Variants in KCNH1 observed in about 807,000 individuals in gnomAD.
The protein encoded by KCNH1 is potassium voltage-gated channel subfamily H member 1.
Under a neutral mutation model 69.2 loss-of-function variants are expected in KCNH1, and 27 were observed. The ratio of observed to expected loss-of-function variants is 0.39; its 90% confidence interval spans 0.29 to 0.54. The LOEUF (loss-of-function observed/expected upper bound fraction) is 0.54. Among genes scored for constraint, KCNH1 ranks in the 20% least tolerant of loss-of-function variants. The pLI is 0.68. For missense variants in KCNH1, 798 were observed against 1,261.6 expected (o/e 0.63, Z 5.57); for synonymous variants, 456 against 487.7 (o/e 0.93, Z 0.86).
intron 10 of KCNH1, among the ~76,000 whole-genome samples, chr1:210,713,877 A>G (rs1258357917): frequency 6.6e-6 from 1 of 152,228 alleles, no homozygotes; most frequent in Non-Finnish European, 1.5e-5. Context: ...AGACTGAGGC[A>G]TCTCTGAGTG....
intron 7 of KCNH1, among the ~76,000 whole-genome samples, chr1:210,885,321 C>T (rs1016110948): frequency 3.3e-5 from 5 of 152,200 alleles, no homozygotes; most frequent in Non-Finnish European, 4.4e-5. Flanking sequence ...GGAACTCCCT[C>T]CTGTAGCCAA....
rs536236518 is a variant in KCNH1 at position 210,979,198 on chromosome 1, G to A, written c.1032+39585C>T. 1.8e-4 allele frequency among the ~76,000 whole-genome samples: 28 copies of A among 152,280 alleles called. No homozygotes were observed. In the South Asian group the frequency reaches 5.2e-3, roughly 28 times the overall value. ...GCCTGCCTTGCCCTGGCCAAACCTCGATGCTAACAAAGCTGTAGTAGGAGG... is the reference window on the plus strand; with the variant it reads ...GCCTGCCTTGCCCTGGCCAAACCTCAATGCTAACAAAGCTGTAGTAGGAGG... On this transcript the variant is annotated intron_variant, in intron 6 of 10. Coordinates refer to ENST00000271751, the MANE Select transcript of KCNH1 (RefSeq NM_172362.3).
chr1:210,979,603 T>C (rs1322996785), intron 6 of KCNH1, among the ~76,000 whole-genome samples: 1 of 152,244 alleles, frequency 6.6e-6, no homozygotes, highest in Non-Finnish European at 1.5e-5. Flanking sequence ...ATTATAGATG[T>C]ATGTTTGATA....
At chr1:210,795,726 T>C (rs1203997713) in intron 9 of KCNH1, among the ~76,000 whole-genome samples, 1 of 152,062 alleles carries the variant, frequency 6.6e-6, no homozygotes, top group Non-Finnish European at 1.5e-5. Context: ...TAACTTAATC[T>C]CCTCCAGCCT....
chr1:210,774,224 A>G lies in KCNH1; in HGVS notation c.2112+1124T>C, dbSNP rs140662454. ...TTTTAAGGTTAGTCAAGCAGCCATA[A>G]GAAGGAAGCACTCCACTGAGGGCAG... On this transcript the variant is annotated intron_variant, in intron 10 of 10. Transcript: ENST00000271751. Among the ~76,000 whole-genome samples the G allele has an allele frequency of 8.3e-4, 126 of 152,316 alleles. 1 individual carries two copies. In the South Asian group the frequency reaches 9.4e-3, roughly 11 times the overall value.
intron 10 of KCNH1, among the ~76,000 whole-genome samples, chr1:210,708,673 G>C (rs896987744): frequency 6.6e-6 from 1 of 152,032 alleles, no homozygotes; most frequent in African/African-American, 2.4e-5. Flanking sequence ...CAAGTACTGA[G>C]CCTGCAGTCG....
At chr1:210,830,473 A>G (rs1169254746) in intron 7 of KCNH1, among the ~76,000 whole-genome samples, 1 of 152,204 alleles carries the variant, frequency 6.6e-6, no homozygotes, top group Non-Finnish European at 1.5e-5. Flanking sequence ...GGAAGACCTC[A>G]ATAAGACACT....
chr1:210,718,478 ATATATACATATATGTATATATATAAAAT>A lies in KCNH1; in HGVS notation c.2113-34368_2113-34341del, dbSNP rs2149024179. Reference sequence around the variant, plus strand: ...ATATACATATATGTATATATATAAAATATATACATATATGTATATATATAAAATATATACATATATGTATATATATAAA... The same window carrying A: ...ATATACATATATGTATATATATAAAAATATACATATATGTATATATATAAA... On this transcript the variant is annotated intron_variant, in intron 10 of 10. Transcript: ENST00000271751. Among the ~76,000 whole-genome samples, 2 of 58,494 alleles carry A rather than the reference ATATATACATATATGTATATATATAAAAT, an allele frequency of 3.4e-5. 1 individual carries two copies. Among genetic ancestry groups the A allele is most frequent in the South Asian group, 1.2e-3 (2 of 1,648 alleles). The allele number at this position is 58,494 out of a possible 152,430, so 38.4% of individuals were successfully genotyped here. A position where few individuals can be genotyped will look rare whatever the true frequency, so the allele number is the denominator to read the frequency against.
intron 6 of KCNH1, among the ~76,000 whole-genome samples, chr1:210,960,557 A>ATTTT (rs1688273510): frequency 2.0e-5 from 3 of 152,246 alleles, no homozygotes; most frequent in African/African-American, 7.2e-5. Flanking sequence ...CAGAAAAAGT[A>ATTTT]TTTTAGAATT....
intron 6 of KCNH1, among the ~76,000 whole-genome samples, chr1:210,987,162 G>A (rs916269673): frequency 1.3e-5 from 2 of 152,064 alleles, no homozygotes; most frequent in Admixed American, 1.3e-4. Context: ...TCTCTGCATT[G>A]GTTATTCTAG....
chr1:210,883,280 A>G (rs1686535139), intron 7 of KCNH1, among the ~76,000 whole-genome samples: 1 of 152,240 alleles, frequency 6.6e-6, no homozygotes, highest in African/African-American at 2.4e-5. Flanking sequence ...TGCTTCTGAT[A>G]GAGAAAAGCT....
chr1:210,836,384 A>G (rs1478210317), intron 7 of KCNH1, among the ~76,000 whole-genome samples: 1 of 152,202 alleles, frequency 6.6e-6, no homozygotes, highest in Admixed American at 6.5e-5. Context: ...ATTGAAAGTA[A>G]TCATTAAGCC....
chr1:210,735,955 T>G (rs988273847), intron 10 of KCNH1, among the ~76,000 whole-genome samples: 5 of 152,218 alleles, frequency 3.3e-5, no homozygotes, highest in African/African-American at 9.6e-5. Flanking sequence ...TTCATTATAG[T>G]GATTTTAATT....
chr1:210,990,465 A>G (rs955463112), intron 6 of KCNH1, among the ~76,000 whole-genome samples: 2 of 152,172 alleles, frequency 1.3e-5, no homozygotes, highest in African/African-American at 2.4e-5. Context: ...AAAGGTCAAG[A>G]AAAGATTCAT....
At chr1:210,786,152 C>G (rs935657916) in intron 9 of KCNH1, among the ~76,000 whole-genome samples, 2 of 152,182 alleles carry the variant, frequency 1.3e-5, no homozygotes, top group African/African-American at 4.8e-5. Flanking sequence ...CCCCCATACT[C>G]CACTAATGCT....
intron 2 of KCNH1, among the ~76,000 whole-genome samples, chr1:211,103,843 A>C (rs1691306527): frequency 6.6e-6 from 1 of 152,250 alleles, no homozygotes; most frequent in South Asian, 2.1e-4. Flanking sequence ...ATCAGAAAAC[A>C]GTGGATTAGA....
At chr1:211,052,135 T>C (rs1232728720) in intron 5 of KCNH1, among the ~76,000 whole-genome samples, 1 of 152,132 alleles carries the variant, frequency 6.6e-6, no homozygotes, top group Non-Finnish European at 1.5e-5. Flanking sequence ...AATAAATACA[T>C]ACACAAAACA....
intron 3 of KCNH1, among the ~76,000 whole-genome samples, chr1:211,099,774 G>T (rs1340922019): frequency 1.3e-5 from 2 of 152,288 alleles, no homozygotes; most frequent in South Asian, 2.1e-4. Context: ...ATGAGTTCCT[G>T]ACTGGAACGC....
chr1:210,729,639 T>C (rs1012742353), intron 10 of KCNH1, among the ~76,000 whole-genome samples: 6 of 152,226 alleles, frequency 3.9e-5, no homozygotes, highest in Non-Finnish European at 8.8e-5. Context: ...AGTAATAAAT[T>C]ACTTGCAACA....
Sources: allele counts gnomAD v4.1 joint callset (sites outside exome capture counted in the v4.1 genomes callset), GRCh38; gene constraint gnomAD v4.1.1; transcripts MANE v1.5; gene names NCBI Gene and HGNC (gene_info 2026-07-23, HGNC 2026-07-21).